SGPP1: variants seen among roughly 807,000 people sequenced by gnomAD.
SGPP1 encodes sphingosine-1-phosphate phosphatase 1, also known as hSPP1.
In SGPP1, 21 loss-of-function variants were observed where a neutral mutation model predicts 33.0. That is an observed-to-expected ratio of 0.64 (90% confidence interval 0.45 to 0.92). The LOEUF is 0.92. Ranked by LOEUF, SGPP1 falls within the 40% of genes least tolerant of loss-of-function variation. SGPP1 has a pLI of 0.00. For synonymous variants in SGPP1, 239 were observed against 241.2 expected, an observed-to-expected ratio of 0.99 and a Z score of 0.08; for missense variants, 543 against 589.4, an observed-to-expected ratio of 0.92 and a Z score of 0.81.
chr14:63,719,962 A>C (rs959521616), intron 1 of SGPP1, among the ~76,000 whole-genome samples: 2 of 145,236 alleles, frequency 1.4e-5, no homozygotes, highest in African/African-American at 5.0e-5. Context: ...TGAAAATACA[A>C]AAAAAAAAAA....
chr14:63,692,429 T>C (rs565572221), intron 2 of SGPP1, among the ~76,000 whole-genome samples: 1 of 151,698 alleles, frequency 6.6e-6, no homozygotes, highest in Non-Finnish European at 1.5e-5. Context: ...ATATTGGGAG[T>C]GAAGAGAAAC....
At chr14:63,714,262 T>C (rs954147433) in intron 1 of SGPP1, among the ~76,000 whole-genome samples, 3 of 152,258 alleles carry the variant, frequency 2.0e-5, no homozygotes, top group Non-Finnish European at 4.4e-5. Flanking sequence ...TGACTGCACA[T>C]GTGGTAGCTG....
At chr14:63,694,231 G>A (rs118120036) in intron 2 of SGPP1, among the ~76,000 whole-genome samples, 2,232 of 151,384 alleles carry the variant, frequency 0.015, 35 homozygotes, top group Non-Finnish European at 0.022. Context: ...CAGAGATTAC[G>A]CCACTGCACT....
At chr14:63,690,064 TTTTTG>T (rs762469538) in intron 2 of SGPP1, among the ~76,000 whole-genome samples, 22 of 152,130 alleles carry the variant, frequency 1.4e-4, no homozygotes, top group Non-Finnish European at 2.4e-4. Context: ...GCTTCTCTGT[TTTTTG>T]TTTTGTTTTG....
At chr14:63,722,909 C>A (rs1272180642) in intron 1 of SGPP1, among the ~76,000 whole-genome samples, 6 of 150,000 alleles carry the variant, frequency 4.0e-5, no homozygotes, top group Non-Finnish European at 8.9e-5. Flanking sequence ...GAGGTCGAGG[C>A]TGCAGTGAGC....
intron 2 of SGPP1, among the ~76,000 whole-genome samples, chr14:63,692,868 G>A (rs1885114976): frequency 2.0e-5 from 3 of 152,168 alleles, no homozygotes; most frequent in South Asian, 2.1e-4. Flanking sequence ...GATTCCACAA[G>A]TGACTCAAAC....
chr14:63,700,371 T>C (rs1295220072), intron 1 of SGPP1, among the ~76,000 whole-genome samples: 5 of 152,168 alleles, frequency 3.3e-5, no homozygotes, highest in Non-Finnish European at 4.4e-5. Flanking sequence ...CCCACACTTG[T>C]TCCTCCTCTG....
At chr14:63,698,740 A>G in intron 1 of SGPP1, 82 bp from the exon 2 acceptor site, 1 of 737,390 alleles carries the variant, frequency 1.4e-6, no homozygotes, top group South Asian at 2.8e-5. Flanking sequence ...TCAAATCACT[A>G]TTCTATAAAG....
At position 63,727,687 on chromosome 14, in the gene SGPP1, G is replaced by C. The variant is rs1276225114; in HGVS notation, c.258C>G (p.Pro86=). The C allele has an allele frequency of 1.5e-6, 2 of 1,336,978 alleles. No homozygotes were observed. Among genetic ancestry groups the C allele is most frequent in the Non-Finnish European group, 1.9e-6 (2 of 1,049,892 alleles). 82.8% of individuals were successfully genotyped at this position (1,336,978 alleles called of 1,614,324 possible). Residue 86 remains proline (P), a synonymous_variant, in exon 1 of 3, where the codon CCC becomes CCG. Coordinates refer to ENST00000247225, the MANE Select transcript of SGPP1 (RefSeq NM_030791.4). The part of the protein sequence containing the change: ...CPAKPDGGGA[P]NGVRNGLAAE... ...CCGCCAGCCCGTTCCGCACGCCGTTGGGGGCGCCGCCGCCGTCCGGCTTGG... is the reference window on the plus strand; with the variant it reads ...CCGCCAGCCCGTTCCGCACGCCGTTCGGGGCGCCGCCGCCGTCCGGCTTGG...
intron 1 of SGPP1, among the ~76,000 whole-genome samples, chr14:63,714,191 C>T (rs1048758776): frequency 2.4e-4 from 36 of 152,158 alleles, no homozygotes; most frequent in African/African-American, 8.2e-4. Flanking sequence ...ACTTAATAAA[C>T]GAAGTGATGT....
chr14:63,689,307 T>TG (rs1885047907), intron 2 of SGPP1, among the ~76,000 whole-genome samples: 2 of 152,110 alleles, frequency 1.3e-5, no homozygotes, highest in Non-Finnish European at 1.5e-5. Context: ...ACCTGGGATT[T>TG]TTTGTTTGTT....
intron 2 of SGPP1, among the ~76,000 whole-genome samples, chr14:63,689,587 A>G (rs112826633): frequency 0.029 from 4,350 of 151,782 alleles, 233 homozygotes; most frequent in African/African-American, 0.099. Flanking sequence ...ACCTGAGGTC[A>G]GGAGTTCGAG....
intron 1 of SGPP1, among the ~76,000 whole-genome samples, chr14:63,711,984 C>T (rs546618576): frequency 3.4e-5 from 5 of 149,140 alleles, no homozygotes; most frequent in Admixed American, 6.7e-5. Context: ...GAGCCAAGAT[C>T]GCACCACTGC....
At chr14:63,722,559 T>C (rs1885794056) in intron 1 of SGPP1, among the ~76,000 whole-genome samples, 1 of 149,240 alleles carries the variant, frequency 6.7e-6, no homozygotes, top group Non-Finnish European at 1.5e-5. Context: ...AATAAAAATA[T>C]TAACAATGCT....
At chr14:63,699,768 C>T (rs1336304572) in intron 1 of SGPP1, among the ~76,000 whole-genome samples, 1 of 148,282 alleles carries the variant, frequency 6.7e-6, no homozygotes, top group Non-Finnish European at 1.5e-5. Context: ...TACATATCTA[C>T]TACATTTAAC....
intron 2 of SGPP1, among the ~76,000 whole-genome samples, chr14:63,687,270 G>C (rs188410105): frequency 6.6e-6 from 1 of 152,104 alleles, no homozygotes; most frequent in East Asian, 1.9e-4. Flanking sequence ...GTGAATCCCT[G>C]TCTCTACTAA....
chr14:63,725,743 T>C (rs1330832804), intron 1 of SGPP1, among the ~76,000 whole-genome samples: 3 of 152,104 alleles, frequency 2.0e-5, no homozygotes, highest in Non-Finnish European at 1.5e-5. Flanking sequence ...AGAGCAAAAA[T>C]AGCTATTTTC....
intron 1 of SGPP1, among the ~76,000 whole-genome samples, chr14:63,712,744 T>C (rs937861877): frequency 1.3e-5 from 2 of 150,228 alleles, no homozygotes; most frequent in African/African-American, 4.9e-5. Flanking sequence ...TACAGTTCAC[T>C]GCAGCCTCAA....
At chr14:63,720,715 G>A (rs974939206) in intron 1 of SGPP1, among the ~76,000 whole-genome samples, 9 of 151,960 alleles carry the variant, frequency 5.9e-5, no homozygotes, top group African/African-American at 2.2e-4. Context: ...AGCCAAGGTC[G>A]CACCATTGCA....
Sources: allele counts gnomAD v4.1 joint callset (sites outside exome capture counted in the v4.1 genomes callset), GRCh38; gene constraint gnomAD v4.1.1; transcripts MANE v1.5; gene names NCBI Gene and HGNC (gene_info 2026-07-23, HGNC 2026-07-21).